Variants in PTPRD observed in about 807,000 individuals in gnomAD.
PTPRD encodes receptor-type tyrosine-protein phosphatase delta.
Under a neutral mutation model 214.5 loss-of-function variants are expected in PTPRD, and 34 were observed. The ratio of observed to expected loss-of-function variants is 0.16; its 90% CI spans 0.12 to 0.21. PTPRD has a LOEUF of 0.21. Among genes scored for constraint, PTPRD ranks in the 10% least tolerant of loss-of-function variants. PTPRD has a pLI of 1.00. For synonymous variants in PTPRD, 1,128 were observed against 845.7 expected, an observed-to-expected ratio of 1.33 and a Z score of -5.79; for missense variants, 2,545 against 2,398.7, an observed-to-expected ratio of 1.06 and a Z score of -1.27.
At chr9:8,335,952 G>GAA (rs1416502253) in intron 43 of PTPRD, among the ~76,000 whole-genome samples, 1 of 152,142 alleles carries the variant, frequency 6.6e-6, no homozygotes, top group Non-Finnish European at 1.5e-5. Context: ...ACTGCTCAAG[G>GAA]AAATAAGAGA....
At chr9:8,485,427 T>G (rs1037979330) in intron 28 of PTPRD, 103 bp from the exon 29 acceptor site, 1 of 766,082 alleles carries the variant, frequency 1.3e-6, no homozygotes, top group Non-Finnish European at 2.2e-6. Flanking sequence ...CTGTCTACTT[T>G]GATCAGAGAG....
chr9:9,605,024 T>A lies in PTPRD; in HGVS notation c.-286-30243A>T, dbSNP rs144939041. ...TGAAATATATGCTCATAAACTCAGA[T>A]TGTTGCCTTTTTATTTCTTTTTAAT... On this transcript the variant is annotated intron_variant, in intron 7 of 45. Transcript: ENST00000381196. Among the ~76,000 whole-genome samples the A allele has an allele frequency of 2.6e-4, 39 of 152,160 alleles. No homozygotes were observed. The East Asian group carries it at 7.0e-3, about 27-fold the overall frequency.
chr9:8,789,327 T>A (rs1395319604), intron 11 of PTPRD, among the ~76,000 whole-genome samples: 2 of 152,206 alleles, frequency 1.3e-5, no homozygotes, highest in Non-Finnish European at 2.9e-5. Flanking sequence ...AATGTGTCAA[T>A]GAAAATGTGG....
chr9:10,132,965 G>A (rs2098910039), intron 3 of PTPRD, among the ~76,000 whole-genome samples: 1 of 66,942 alleles, frequency 1.5e-5, no homozygotes. Context: ...TTGTTATTTT[G>A]TAGCTTCTGC....
At chr9:10,149,605 A>G (rs1339192310) in intron 3 of PTPRD, among the ~76,000 whole-genome samples, 1 of 152,188 alleles carries the variant, frequency 6.6e-6, no homozygotes, top group Non-Finnish European at 1.5e-5. Flanking sequence ...GACCTTTGGT[A>G]TATTCATTAT....
chr9:9,283,296 C>T (rs568000403), intron 9 of PTPRD, among the ~76,000 whole-genome samples: 5 of 151,372 alleles, frequency 3.3e-5, no homozygotes, highest in African/African-American at 1.2e-4. Flanking sequence ...CTATAGAGAG[C>T]AATGTGGTAG....
At chr9:8,934,474 T>A (rs1190306720) in intron 11 of PTPRD, among the ~76,000 whole-genome samples, 298 of 25,704 alleles carry the variant, frequency 0.012, 17 homozygotes, top group South Asian at 0.026. Context: ...AATATATATA[T>A]ATAAATATAT....
At chr9:10,143,363 A>C (rs545447388) in intron 3 of PTPRD, among the ~76,000 whole-genome samples, 94 of 152,310 alleles carry the variant, frequency 6.2e-4, no homozygotes, top group Non-Finnish European at 1.2e-3. Context: ...ATGAGATATC[A>C]TCTTACACCA....
chr9:9,446,371 T>C (rs1359257749), intron 8 of PTPRD, among the ~76,000 whole-genome samples: 1 of 152,124 alleles, frequency 6.6e-6, no homozygotes, highest in Non-Finnish European at 1.5e-5. Context: ...TTGTGACCCA[T>C]CTACTTAATA....
intron 14 of PTPRD, among the ~76,000 whole-genome samples, chr9:8,620,083 C>T (rs1297209260): frequency 2.6e-5 from 4 of 151,964 alleles, no homozygotes; most frequent in South Asian, 2.1e-4. Context: ...TCTATCAGAA[C>T]CTCAGATGGA....
At chr9:9,899,411 T>C (rs2075844123) in intron 5 of PTPRD, among the ~76,000 whole-genome samples, 2 of 152,138 alleles carry the variant, frequency 1.3e-5, no homozygotes, top group Non-Finnish European at 2.9e-5. Flanking sequence ...TCGATATTTC[T>C]GTAAGGAAGA....
At chr9:10,079,070 G>A (rs1191634014) in intron 3 of PTPRD, among the ~76,000 whole-genome samples, 2 of 151,784 alleles carry the variant, frequency 1.3e-5, no homozygotes, top group Non-Finnish European at 2.9e-5. Context: ...CTTTACACCT[G>A]GGTGTACCTG....
At chr9:8,806,229 T>C (rs2096676594) in intron 11 of PTPRD, among the ~76,000 whole-genome samples, 1 of 148,072 alleles carries the variant, frequency 6.8e-6, no homozygotes. Context: ...CCTGGCCAGC[T>C]TACACTTTTT....
Position 8,957,573 on chromosome 9 carries a change from A to G in PTPRD, c.-104+61124T>C, listed in dbSNP as rs570724521. 4.6e-5 allele frequency among the ~76,000 whole-genome samples: 7 copies of G among 151,936 alleles called. No individual in the cohort carries two copies. The East Asian group carries it at 1.4e-3, about 29-fold the overall frequency. ...TTTAGTATTTATTTTGCGGCACCATACAATTTGCATTTATTGCACGATTCC... is the reference window on the plus strand; with the variant it reads ...TTTAGTATTTATTTTGCGGCACCATGCAATTTGCATTTATTGCACGATTCC... On this transcript the variant is annotated intron_variant, in intron 11 of 45. Transcript: ENST00000381196.
At chr9:8,507,611 G>A (rs2097568241) in intron 21 of PTPRD, among the ~76,000 whole-genome samples, 177 bp from the exon 22 acceptor site, 1 of 152,146 alleles carries the variant, frequency 6.6e-6, no homozygotes, top group African/African-American at 2.4e-5. Flanking sequence ...CAAGTACAAT[G>A]TTATAAATCC....
chr9:8,626,745 A>C (rs2096055155), intron 14 of PTPRD, among the ~76,000 whole-genome samples: 1 of 151,570 alleles, frequency 6.6e-6, no homozygotes, highest in Non-Finnish European at 1.5e-5. Context: ...CTTTGGACCC[A>C]ATCTGAAACA....
chr9:8,341,576 G>T, intron 40 of PTPRD, 117 bp downstream of exon 40: 3 of 1,196,478 alleles, frequency 2.5e-6, no homozygotes, highest in Admixed American at 2.2e-5. Context: ...ACACCTGAGG[G>T]AAAGGTCAAA....
chr9:9,151,849 G>A (rs759516613), intron 10 of PTPRD, among the ~76,000 whole-genome samples: 1 of 152,178 alleles, frequency 6.6e-6, no homozygotes, highest in Non-Finnish European at 1.5e-5. Context: ...GCCTGGGCCA[G>A]TTAGGTGATA....
At chr9:9,599,127 G>C (rs1286851084) in intron 7 of PTPRD, among the ~76,000 whole-genome samples, 1 of 151,940 alleles carries the variant, frequency 6.6e-6, no homozygotes, top group Non-Finnish European at 1.5e-5. Flanking sequence ...TACAGTAAAT[G>C]AATATAATTA....
Sources: allele counts gnomAD v4.1 joint callset (sites outside exome capture counted in the v4.1 genomes callset), GRCh38; gene constraint gnomAD v4.1.1; transcripts MANE v1.5; gene names NCBI Gene and HGNC (gene_info 2026-07-23, HGNC 2026-07-21).